LMTK2: variants seen among roughly 807,000 people sequenced by gnomAD.
The protein encoded by LMTK2 is lemur tail kinase 2.
Under a neutral mutation model 127.5 loss-of-function variants are expected in LMTK2, and 37 were observed. That is an observed-to-expected ratio of 0.29 (90% CI 0.22 to 0.38). The LOEUF (loss-of-function observed/expected upper bound fraction) is 0.38, where lower values mean the gene tolerates loss of function less well. Ranked by LOEUF, LMTK2 falls within the 10% of genes least tolerant of loss-of-function variation. LMTK2 has a pLI of 1.00. For missense variants in LMTK2, 1,694 were observed against 1,920.3 expected (o/e 0.88, Z 2.20); for synonymous variants, 819 against 810.1 (o/e 1.01, Z -0.19).
At chr7:98,133,645 G>A (rs577533692) in intron 1 of LMTK2, among the ~76,000 whole-genome samples, 1 of 152,298 alleles carries the variant, frequency 6.6e-6, no homozygotes, top group Admixed American at 6.5e-5. Context: ...GGGACTGTTA[G>A]ATACTGAGGT....
At position 98,190,768 on chromosome 7, in the gene LMTK2, G is replaced by A. The variant is rs139179986; in HGVS notation, c.1039G>A (p.Ala347Thr). 2.9e-5 allele frequency: 47 copies of A among 1,613,820 alleles called. No homozygotes were observed. The highest frequency in any genetic ancestry group is 7.7e-5 in the South Asian group (7 of 91,078). The change falls in exon 10 of 14, where the codon GCA (alanine) becomes ACA (threonine). Residue 347 changes from alanine (A) to threonine (T), a missense_variant. Physicochemically the swap from Ala to Thr is moderately conservative, Grantham distance 58 (BLOSUM62 0). Transcript: ENST00000297293. The part of the protein sequence containing the change: ...VTLWELFDNA[A>T]QPYSNLSNLD... Reference sequence around the variant, plus strand: ...ACTTTGGGAGCTTTTTGACAATGCCGCACAGCCGTATTCAAACCTTTCCAA... The same window carrying A: ...ACTTTGGGAGCTTTTTGACAATGCCACACAGCCGTATTCAAACCTTTCCAA...
rs1031301203 is a variant in LMTK2, at chr7:98,116,555, GT to G, written c.103+9285del. ...TTCACCTGGGATGAGGCCATTTATAGTTTTTTTTTTATTAAAACCTTTTTCT... is the reference window on the plus strand; with the variant it reads ...TTCACCTGGGATGAGGCCATTTATAGTTTTTTTTTATTAAAACCTTTTTCT... On this transcript the variant is annotated intron_variant, in intron 1 of 13. Coordinates refer to ENST00000297293, the MANE Select transcript of LMTK2 (RefSeq NM_014916.4). Among the ~76,000 whole-genome samples the G allele has an allele frequency of 1.9e-4, 28 of 148,998 alleles. 1 individual carries two copies. Among genetic ancestry groups the G allele is most frequent in the Non-Finnish European group, 2.5e-4 (17 of 66,966 alleles).
Position 98,151,468 on chromosome 7 carries a change from T to C in LMTK2, c.450+13T>C. ...CTGGTTTGGAAAGGTAAGATGCTCT[T>C]CACTTGCATTTGTTTTCCTCTGAAT... On this transcript the variant is annotated intron_variant, in intron 4 of 13. Transcript: ENST00000297293. 6.3e-7 allele frequency: 1 copy of C among 1,591,622 alleles called. No homozygotes were observed. The highest frequency in any genetic ancestry group is 8.6e-7 in the Non-Finnish European group (1 of 1,159,684).
chr7:98,154,899 T>C, intron 5 of LMTK2, 23 bp downstream of exon 5: 2 of 1,316,228 alleles, frequency 1.5e-6, no homozygotes, highest in Non-Finnish European at 2.2e-6. Flanking sequence ...TGTCATGTGT[T>C]CTGTAAGACT....
intron 1 of LMTK2, among the ~76,000 whole-genome samples, chr7:98,113,324 T>G (rs1023836122): frequency 1.3e-4 from 20 of 152,170 alleles, no homozygotes; most frequent in African/African-American, 4.8e-4. Flanking sequence ...CCTTCCACCG[T>G]GTTTATAAGT....
chr7:98,126,099 T>G (rs911671421), intron 1 of LMTK2, among the ~76,000 whole-genome samples: 1 of 152,184 alleles, frequency 6.6e-6, no homozygotes, highest in African/African-American at 2.4e-5. Context: ...TGTAGGAGAT[T>G]TGAAAGAAAA....
At chr7:98,136,666 C>T (rs1796599825) in intron 1 of LMTK2, among the ~76,000 whole-genome samples, 1 of 152,192 alleles carries the variant, frequency 6.6e-6, no homozygotes, top group African/African-American at 2.4e-5. Context: ...AAAGTCACCT[C>T]ACCAGGCATA....
At chr7:98,150,169 G>A (rs562777046) in intron 3 of LMTK2, among the ~76,000 whole-genome samples, 3 of 152,174 alleles carry the variant, frequency 2.0e-5, no homozygotes, top group East Asian at 1.9e-4. Context: ...GTAGTCGGGC[G>A]TGGTAGCAGG....
intron 1 of LMTK2, among the ~76,000 whole-genome samples, chr7:98,129,064 G>GA (rs1200628540): frequency 6.6e-6 from 1 of 152,020 alleles, no homozygotes; most frequent in Non-Finnish European, 1.5e-5. Flanking sequence ...GTTTGACCCT[G>GA]AAAACGTAAG....
rs1797861294 is a variant in LMTK2, at chr7:98,209,595, A to G, written c.*4103A>G. The stretch of plus-strand genomic sequence containing the variant: ...ATAAATTGCTTGTAATTTAAAAACT[A>G]TTTAATATTCAAAATAAATATAGTT... On this transcript the variant is annotated 3_prime_UTR_variant, in exon 14 of 14. Coordinates refer to ENST00000297293, the MANE Select transcript of LMTK2 (RefSeq NM_014916.4). The G allele has an allele frequency of 6.6e-6, 1 of 151,562 alleles. No homozygotes were observed. Among genetic ancestry groups the G allele is most frequent in the Non-Finnish European group, 1.5e-5 (1 of 67,886 alleles). 9.4% of individuals were successfully genotyped at this position (151,562 alleles called of 1,614,324 possible). A position where few individuals can be genotyped will look rare whatever the true frequency, so the allele number is the denominator to read the frequency against.
At chr7:98,117,774 C>G (rs2116324847) in intron 1 of LMTK2, among the ~76,000 whole-genome samples, 1 of 152,186 alleles carries the variant, frequency 6.6e-6, no homozygotes, top group Admixed American at 6.5e-5. Flanking sequence ...CAAGACTAGC[C>G]TGACCAACGT....
chr7:98,132,435 G>C (rs1207950447), intron 1 of LMTK2, among the ~76,000 whole-genome samples: 1 of 152,150 alleles, frequency 6.6e-6, no homozygotes, highest in Non-Finnish European at 1.5e-5. Context: ...TATTTTAGTA[G>C]AGACGGGATT....
At position 98,193,668 on chromosome 7, in the gene LMTK2, C is replaced by A. The variant is rs1238096824; in HGVS notation, c.3203C>A (p.Pro1068His). The change falls in exon 11 of 14, where the codon CCT becomes CAT. Residue 1068 changes from proline (P) to histidine (H), a missense_variant. Pro to His is a moderately conservative substitution (Grantham distance 77). Transcript: ENST00000297293. This position sits in a 1 kb window ranked among gnomAD's most constrained non-coding sequence, Gnocchi z 4.1. Reference protein sequence around the residue: ...TTGDGGHSGLPPNPVIVISDA... With the variant: ...TTGDGGHSGLHPNPVIVISDA... ...GGCGATGGCGGCCACAGCGGTCTGCCTCCCAACCCGGTCATTGTCATCTCA... is the reference window on the plus strand; with the variant it reads ...GGCGATGGCGGCCACAGCGGTCTGCATCCCAACCCGGTCATTGTCATCTCA... The A allele has an allele frequency of 6.2e-7, 1 of 1,613,906 alleles. No individual in the cohort carries two copies.
chr7:98,170,557 C>G (rs138353042), intron 6 of LMTK2, among the ~76,000 whole-genome samples: 1 of 150,470 alleles, frequency 6.6e-6, no homozygotes, highest in Non-Finnish European at 1.5e-5. Flanking sequence ...TTTTTTTTCC[C>G]GCTCCCCGCC....
At chr7:98,164,069 C>T (rs1055250692) in intron 6 of LMTK2, among the ~76,000 whole-genome samples, 3 of 152,160 alleles carry the variant, frequency 2.0e-5, no homozygotes, top group Non-Finnish European at 2.9e-5. Flanking sequence ...AATTAACCAG[C>T]CTGTTTTTAA....
chr7:98,161,807 T>A (rs1382803259), intron 6 of LMTK2, among the ~76,000 whole-genome samples: 1 of 152,168 alleles, frequency 6.6e-6, no homozygotes, highest in African/African-American at 2.4e-5. Context: ...AAGGCAAGTC[T>A]GCTCGTCAGA....
intron 13 of LMTK2, among the ~76,000 whole-genome samples, 162 bp from the exon 14 acceptor site, chr7:98,205,302 G>GAA (rs1797772840): frequency 6.6e-6 from 1 of 152,202 alleles, no homozygotes; most frequent in East Asian, 1.9e-4. Flanking sequence ...GTCAGGCAGG[G>GAA]GCTGCTTCCG....
chr7:98,108,557 G>C (rs1796151467), intron 1 of LMTK2, among the ~76,000 whole-genome samples: 1 of 152,172 alleles, frequency 6.6e-6, no homozygotes, highest in Non-Finnish European at 1.5e-5. Context: ...AAATACTTGT[G>C]AGGTGAATTC....
chr7:98,134,671 G>A (rs75539102), intron 1 of LMTK2, among the ~76,000 whole-genome samples: 5 of 147,964 alleles, frequency 3.4e-5, no homozygotes, highest in Non-Finnish European at 5.9e-5. Context: ...AAAAAAAAAA[G>A]AAGAAGAAAT....
Sources: allele counts gnomAD v4.1 joint callset (sites outside exome capture counted in the v4.1 genomes callset), GRCh38; gene constraint gnomAD v4.1.1; non-coding constraint Gnocchi (gnomAD v3.1); transcripts MANE v1.5; gene names NCBI Gene and HGNC (gene_info 2026-07-23, HGNC 2026-07-21).